Variants in SLF1 observed in about 807,000 individuals in gnomAD.
The protein encoded by SLF1 is SMC5/6 complex localization factor 1.
Under a neutral mutation model 123.0 loss-of-function variants are expected in SLF1, and 105 were observed. That is an observed-to-expected ratio of 0.85 (90% CI 0.73 to 1.00). The LOEUF (loss-of-function observed/expected upper bound fraction) is 1.00, where lower values mean the gene tolerates loss of function less well. SLF1 is among the 50% of genes least tolerant of loss of function. SLF1 has a pLI of 0.00. For missense variants in SLF1, 1,239 were observed against 1,223.0 expected (o/e 1.01, Z -0.20); for synonymous variants, 434 against 406.6 (o/e 1.07, Z -0.81).
At chr5:94,650,463 C>T (rs975647410) in intron 6 of SLF1, among the ~76,000 whole-genome samples, 3 of 151,148 alleles carry the variant, frequency 2.0e-5, no homozygotes, top group Non-Finnish European at 4.4e-5. Context: ...CCTGGGTTCA[C>T]GCCATTCTCC....
At chr5:94,687,188 C>T (rs1286968675) in intron 16 of SLF1, among the ~76,000 whole-genome samples, 1 of 152,134 alleles carries the variant, frequency 6.6e-6, no homozygotes, top group Non-Finnish European at 1.5e-5. Flanking sequence ...GTAATGAAAG[C>T]CAGCGGCCGT....
intron 4 of SLF1, among the ~76,000 whole-genome samples, chr5:94,632,545 T>C (rs1246126188): frequency 6.6e-6 from 1 of 152,244 alleles, no homozygotes; most frequent in Non-Finnish European, 1.5e-5. Context: ...GTTCTCATTA[T>C]ATAAATCTTG....
chr5:94,668,977 A>G (rs2152489433), intron 12 of SLF1, among the ~76,000 whole-genome samples: 1 of 152,310 alleles, frequency 6.6e-6, no homozygotes, highest in South Asian at 2.1e-4. Flanking sequence ...AATGCCTGGA[A>G]TGTAAGTACT....
At chr5:94,648,474 A>G (rs1330399232) in intron 5 of SLF1, among the ~76,000 whole-genome samples, 1 of 152,096 alleles carries the variant, frequency 6.6e-6, no homozygotes, top group Non-Finnish European at 1.5e-5. Context: ...GAGATTGTGA[A>G]TCTCTGAAAA....
At chr5:94,664,192 T>C (rs1010144452) in intron 11 of SLF1, among the ~76,000 whole-genome samples, 1 of 152,246 alleles carries the variant, frequency 6.6e-6, no homozygotes, top group African/African-American at 2.4e-5. Context: ...GTATCAAATA[T>C]AAAATTCAGA....
Position 94,651,783 on chromosome 5 carries a change from A to C in SLF1, c.820A>C (p.Ser274Arg). 3 of 1,523,606 alleles carry C rather than the reference A, an allele frequency of 2.0e-6. No homozygotes were observed. The highest frequency in any genetic ancestry group is 2.7e-6 in the Non-Finnish European group (3 of 1,129,970). The allele number at this position is 1,523,606 out of a possible 1,614,324, so 94.4% of individuals were successfully genotyped here. A position where few individuals can be genotyped will look rare whatever the true frequency, so the allele number is the denominator to read the frequency against. Residue 274 changes from serine to arginine, a missense_variant, in exon 7 of 21, where the codon AGT becomes CGT. By Grantham distance (110) the Ser-to-Arg change is moderately radical. Transcript: ENST00000265140. ...CAAAAAAGAAAAATTCAGTGGTTCCAGTAAAGATTTGAAATTTGTTAAAAT... is the reference window on the plus strand; with the variant it reads ...CAAAAAAGAAAAATTCAGTGGTTCCCGTAAAGATTTGAAATTTGTTAAAAT... ...HHKKEKFSGSSKDLKFVKMRN... is the reference protein window; with the variant it reads ...HHKKEKFSGSRKDLKFVKMRN...
rs776886310 is a variant in SLF1, at chr5:94,643,444, A to C, written c.594+9A>C. ...GGGATTTTCTTTTAGAGGTAAGTAA[A>C]ATAAATAGTAAACATTTTATTTTGT... On this transcript the variant is annotated intron_variant, in intron 5 of 20. Transcript: ENST00000265140. The C allele has an allele frequency of 1.4e-5, 19 of 1,398,238 alleles. No individual in the cohort carries two copies. Among genetic ancestry groups the C allele is most frequent in the Middle Eastern group, 3.7e-4 (2 of 5,404 alleles). The allele number at this position is 1,398,238 out of a possible 1,614,324, so 86.6% of individuals were successfully genotyped here.
chr5:94,636,026 C>A (rs1220163319), intron 4 of SLF1, among the ~76,000 whole-genome samples: 1 of 152,092 alleles, frequency 6.6e-6, no homozygotes, highest in Non-Finnish European at 1.5e-5. Flanking sequence ...TTTTTAATTT[C>A]TCCCTTATTT....
chr5:94,667,723 G>T (rs1749959873), intron 12 of SLF1, among the ~76,000 whole-genome samples: 1 of 151,886 alleles, frequency 6.6e-6, no homozygotes. Context: ...TATGTTTTCC[G>T]AATTTCCTAG....
In SLF1 at chr5:94,696,740, A is replaced by G. The variant is rs557960212; in HGVS notation, c.*1428A>G. 6.6e-6 allele frequency: 1 copy of G among 151,960 alleles called. No homozygotes were observed. Among genetic ancestry groups the G allele is most frequent in the South Asian group, 2.1e-4 (1 of 4,822 alleles). 9.4% of individuals were successfully genotyped at this position (151,960 alleles called of 1,614,324 possible). A position where few individuals can be genotyped will look rare whatever the true frequency, so the allele number is the denominator to read the frequency against. ...AAACATAGGCTTTGACATCATACAC[A>G]TTTTCAAATCCTTGTCTAGTTTCTT... On this transcript the variant is annotated 3_prime_UTR_variant, in exon 21 of 21. Transcript: ENST00000265140.
rs186026811 is a variant in SLF1 at position 94,694,728 on chromosome 5, T to G, written c.2696-103T>G. On this transcript the variant is annotated intron_variant, in intron 20 of 20. Coordinates refer to ENST00000265140, the MANE Select transcript of SLF1 (RefSeq NM_032290.4). ...GACATGAATTAATACAAAATATGAT[T>G]GCAAAGAAAGCACTGGATGCTTTGG... 40 of 1,379,502 alleles carry G rather than the reference T, an allele frequency of 2.9e-5. No individual in the cohort carries two copies. The East Asian group carries it at 9.4e-4, about 32-fold the overall frequency. 85.5% of individuals were successfully genotyped at this position (1,379,502 alleles called of 1,614,324 possible). A position where few individuals can be genotyped will look rare whatever the true frequency, so the allele number is the denominator to read the frequency against.
intron 6 of SLF1, among the ~76,000 whole-genome samples, chr5:94,651,114 G>A (rs947427220): frequency 2.0e-5 from 3 of 152,070 alleles, no homozygotes; most frequent in Non-Finnish European, 2.9e-5. Flanking sequence ...CTAATACTCA[G>A]CATTGTGTTG....
chr5:94,668,437 G>A (rs1750069462), intron 12 of SLF1, among the ~76,000 whole-genome samples: 1 of 151,750 alleles, frequency 6.6e-6, no homozygotes. Flanking sequence ...AGGATCAAGC[G>A]ATTCTCCTGC....
intron 4 of SLF1, among the ~76,000 whole-genome samples, chr5:94,638,673 C>T (rs1182157371): frequency 1.3e-5 from 2 of 152,188 alleles, no homozygotes; most frequent in African/African-American, 4.8e-5. Flanking sequence ...TGGCACTATG[C>T]CAACTTGGGT....
At chr5:94,693,787 A>G (rs6869588) in intron 20 of SLF1, among the ~76,000 whole-genome samples, 22,309 of 150,674 alleles carry the variant, frequency 0.15, 1,841 homozygotes, top group East Asian at 0.32. Context: ...AGTAACTTGG[A>G]ACAATTTTTT....
intron 14 of SLF1, among the ~76,000 whole-genome samples, chr5:94,671,916 C>CT (rs966906357): frequency 6.6e-6 from 1 of 151,542 alleles, no homozygotes; most frequent in Admixed American, 6.6e-5. Flanking sequence ...TTTGGCTGTG[C>CT]TTTTTTTGGT....
chr5:94,646,680 G>A (rs1747104484), intron 5 of SLF1, among the ~76,000 whole-genome samples: 1 of 152,106 alleles, frequency 6.6e-6, no homozygotes, highest in South Asian at 2.1e-4. Flanking sequence ...AGTCTTATGG[G>A]AATATATTAG....
intron 5 of SLF1, among the ~76,000 whole-genome samples, chr5:94,646,695 A>G (rs1470507819): frequency 1.3e-5 from 2 of 152,128 alleles, no homozygotes; most frequent in Non-Finnish European, 2.9e-5. Context: ...TATTAGGAAT[A>G]ACAGAAACAG....
At chr5:94,652,269 A>T (rs1287053153) in intron 7 of SLF1, among the ~76,000 whole-genome samples, 1 of 152,210 alleles carries the variant, frequency 6.6e-6, no homozygotes, top group Non-Finnish European at 1.5e-5. Context: ...TCCGCCTCCC[A>T]AAGTACTTGG....
Sources: allele counts gnomAD v4.1 joint callset (sites outside exome capture counted in the v4.1 genomes callset), GRCh38; gene constraint gnomAD v4.1.1; transcripts MANE v1.5; gene names NCBI Gene and HGNC (gene_info 2026-07-23, HGNC 2026-07-21).